Variants in LZTS1 observed in about 807,000 individuals in gnomAD.
LZTS1 encodes leucine zipper tumor suppressor 1.
In LZTS1, 31 loss-of-function variants were observed where a neutral mutation model predicts 45.8. The observed-to-expected ratio is 0.68, with a 90% confidence interval of 0.51 to 0.91. The LOEUF is 0.91. Among genes scored for constraint, LZTS1 ranks in the 40% least tolerant of loss-of-function variants. The probability of loss-of-function intolerance (pLI) is 0.00; values close to 1 mark genes in which losing one functional copy is unlikely to be tolerated. For synonymous variants in LZTS1, 359 were observed against 357.3 expected (o/e 1.00, Z -0.05); for missense variants, 821 against 788.9 (o/e 1.04, Z -0.49).
chr8:20,272,011 G>A (rs1800483743), intron 1 of LZTS1, among the ~76,000 whole-genome samples: 1 of 152,226 alleles, frequency 6.6e-6, no homozygotes, highest in African/African-American at 2.4e-5. Context: ...GAGCACCTGT[G>A]CATTTTTTCA....
intron 1 of LZTS1, among the ~76,000 whole-genome samples, chr8:20,293,172 T>C (rs1250898438): frequency 6.6e-6 from 1 of 152,166 alleles, no homozygotes; most frequent in Non-Finnish European, 1.5e-5. Flanking sequence ...CTTGAATCTA[T>C]TCTATATTCC....
intron 1 of LZTS1, among the ~76,000 whole-genome samples, chr8:20,293,799 T>C (rs962097735): frequency 6.6e-6 from 1 of 152,052 alleles, no homozygotes; most frequent in Non-Finnish European, 1.5e-5. Flanking sequence ...CCAGGTATGG[T>C]GATACCCACC....
At chr8:20,301,120 CAAAAAAAAA>C (rs71222143) in intron 1 of LZTS1, among the ~76,000 whole-genome samples, 47,715 of 107,578 alleles carry the variant, frequency 0.44, 8,831 homozygotes, top group Middle Eastern at 0.55. Context: ...GACTCCGTCT[CAAAAAAAAA>C]AAAAAAAAAA....
chr8:20,290,319 TA>T (rs1279971974), intron 1 of LZTS1: 1 of 152,166 alleles, frequency 6.6e-6, no homozygotes, highest in Non-Finnish European at 1.5e-5. Context: ...ATCTGAGCCC[TA>T]ATAGCTGTGT....
intron 1 of LZTS1, among the ~76,000 whole-genome samples, chr8:20,268,197 GGCCT>G (rs1323609855): frequency 1.9e-5 from 1 of 53,186 alleles, no homozygotes; most frequent in Non-Finnish European, 3.7e-5. Context: ...CATCTCACCA[GGCCT>G]GCCTCTGGGC....
At chr8:20,260,655 G>C (rs1302727586) in intron 1 of LZTS1, among the ~76,000 whole-genome samples, 1 of 152,144 alleles carries the variant, frequency 6.6e-6, no homozygotes, top group Non-Finnish European at 1.5e-5. Context: ...TTCCCTTTTG[G>C]GCCAATGCCA....
chr8:20,303,746 C>T lies in LZTS1; in HGVS notation c.-141G>A, dbSNP rs1004277155. ...CCCGGCCACCGCACCTTACCTGCCC[C>T]CTGCGCCTCGGGCGCACTTGAGACT... On this transcript the variant is annotated 5_prime_UTR_variant, in exon 1 of 4. Transcript: ENST00000381569. The T allele has an allele frequency of 3.3e-4, 324 of 985,546 alleles. No homozygotes were observed. The highest frequency in any genetic ancestry group is 3.8e-4 in the Non-Finnish European group (319 of 830,220). 61.1% of individuals were successfully genotyped at this position (985,546 alleles called of 1,614,324 possible). A position where few individuals can be genotyped will look rare whatever the true frequency, so the allele number is the denominator to read the frequency against.
intron 1 of LZTS1, among the ~76,000 whole-genome samples, chr8:20,291,251 AC>A (rs1800896033): frequency 6.6e-6 from 1 of 152,076 alleles, no homozygotes; most frequent in South Asian, 2.1e-4. Flanking sequence ...GCCAGGGTAA[AC>A]AGATAAGAGG....
intron 1 of LZTS1, among the ~76,000 whole-genome samples, chr8:20,259,330 C>T (rs149882656): frequency 6.4e-4 from 98 of 152,264 alleles, no homozygotes; most frequent in Non-Finnish European, 1.0e-3. Context: ...GATGTGTGCA[C>T]GATATGTGTT....
intron 1 of LZTS1, among the ~76,000 whole-genome samples, chr8:20,273,773 T>A (rs1253533069): frequency 9.3e-5 from 8 of 85,686 alleles, no homozygotes; most frequent in Non-Finnish European, 2.0e-4. Flanking sequence ...AGACCTGTTA[T>A]ATTTGTTTTT....
chr8:20,253,116 T>C lies in LZTS1; in HGVS notation c.815A>G (p.Glu272Gly). Residue 272 changes from glutamate (E) to glycine (G), a missense_variant, in exon 3 of 4, where the codon GAG becomes GGG. Coordinates refer to ENST00000381569, the MANE Select transcript of LZTS1 (RefSeq NM_021020.5). The stretch of plus-strand genomic sequence containing the variant: ...CAGCTTCTGGAGGGCGCCCTCCCTC[T>C]CCAACAGCTTCTGCTCCAGCTCCTG... ...SIQELEQKLL[E>G]REGALQKLQR... 2 of 1,611,866 alleles carry C rather than the reference T, an allele frequency of 1.2e-6. No individual in the cohort carries two copies. The highest frequency in any genetic ancestry group is 1.7e-5 in the Admixed American group (1 of 60,010).
chr8:20,258,846 G>A (rs1378696408), intron 1 of LZTS1, among the ~76,000 whole-genome samples: 2 of 152,174 alleles, frequency 1.3e-5, no homozygotes, highest in African/African-American at 4.8e-5. Context: ...ACTTTCCAGA[G>A]CTAATCCTTT....
In LZTS1 at chr8:20,248,710, A is replaced by G. The variant is rs1278526886; in HGVS notation, c.*1012T>C. On this transcript the variant is annotated 3_prime_UTR_variant, in exon 4 of 4. Coordinates refer to ENST00000381569, the MANE Select transcript of LZTS1 (RefSeq NM_021020.5). ...CAGAGGAGGAAAATGCCCAGATCACATATATGCCATCTTAGTGATATGGGC... is the reference window on the plus strand; with the variant it reads ...CAGAGGAGGAAAATGCCCAGATCACGTATATGCCATCTTAGTGATATGGGC... The G allele has an allele frequency of 2.0e-5, 3 of 152,194 alleles. No homozygotes were observed. Among genetic ancestry groups the G allele is most frequent in the Non-Finnish European group, 4.4e-5 (3 of 68,034 alleles). The allele number at this position is 152,194 out of a possible 1,614,324, so 9.4% of individuals were successfully genotyped here. A position where few individuals can be genotyped will look rare whatever the true frequency, so the allele number is the denominator to read the frequency against.
At chr8:20,253,719 G>T in intron 2 of LZTS1, 134 bp from the exon 3 acceptor site, 1 of 617,724 alleles carries the variant, frequency 1.6e-6, no homozygotes, top group Non-Finnish European at 2.6e-6. Flanking sequence ...TTGGTCAATT[G>T]TCTCAGCAGA....
intron 1 of LZTS1, among the ~76,000 whole-genome samples, chr8:20,293,332 C>T (rs1800929187): frequency 6.6e-6 from 1 of 152,160 alleles, no homozygotes; most frequent in Non-Finnish European, 1.5e-5. Flanking sequence ...CAATCTGACT[C>T]CAACGTGCCT....
intron 1 of LZTS1, among the ~76,000 whole-genome samples, chr8:20,279,931 T>A (rs1800655824): frequency 6.7e-6 from 1 of 149,420 alleles, no homozygotes; most frequent in Non-Finnish European, 1.5e-5. Flanking sequence ...AGGCTGCAGT[T>A]AGCCATGATC....
chr8:20,301,922 A>G (rs1801086352), intron 1 of LZTS1, among the ~76,000 whole-genome samples: 1 of 152,170 alleles, frequency 6.6e-6, no homozygotes, highest in African/African-American at 2.4e-5. Flanking sequence ...CATCTTCAGC[A>G]CATCAAATGT....
At chr8:20,290,382 A>C (rs1800880245) in intron 1 of LZTS1, 1 of 152,236 alleles carries the variant, frequency 6.6e-6, no homozygotes, top group South Asian at 2.1e-4. Flanking sequence ...CCTCCACTTA[A>C]AGAAAGAAAA....
At chr8:20,289,170 A>T (rs1800852796) in intron 1 of LZTS1, 1 of 152,170 alleles carries the variant, frequency 6.6e-6, no homozygotes, top group Non-Finnish European at 1.5e-5. Flanking sequence ...GATTAGATTT[A>T]GGAAAACAGA....
Sources: gnomAD v4.1 joint callset for allele counts (sites outside exome capture counted in the v4.1 genomes callset) on GRCh38, gnomAD v4.1.1 for gene constraint, MANE v1.5 for transcripts, NCBI Gene and HGNC (gene_info 2026-07-23, HGNC 2026-07-21) for gene names.